The following GALNT10 variants were observed in gnomAD, a reference collection of about 807,000 sequenced individuals.
The protein encoded by GALNT10 is GalNAc transferase 10.
A neutral mutation model predicts 75.0 loss-of-function variants in GALNT10; 41 were observed. The ratio of observed to expected loss-of-function variants is 0.55; its 90% confidence interval spans 0.43 to 0.71. The LOEUF (loss-of-function observed/expected upper bound fraction) is 0.71, where lower values mean the gene tolerates loss of function less well. Among genes scored for constraint, GALNT10 ranks in the 30% least tolerant of loss-of-function variants. The pLI is 0.00. For synonymous variants in GALNT10, 302 were observed against 313.0 expected (o/e 0.96, Z 0.37); for missense variants, 727 against 818.5 (o/e 0.89, Z 1.36).
intron 1 of GALNT10, among the ~76,000 whole-genome samples, chr5:154,228,577 G>C (rs1263731699): frequency 6.6e-6 from 1 of 152,218 alleles, no homozygotes; most frequent in Non-Finnish European, 1.5e-5. Context: ...CCAAAAACCT[G>C]TACGAGAGCT....
At chr5:154,293,613 A>ATT (rs1201863629) in intron 1 of GALNT10, among the ~76,000 whole-genome samples, 17 of 109,406 alleles carry the variant, frequency 1.6e-4, no homozygotes, top group African/African-American at 4.7e-4. Context: ...ATATATATAT[A>ATT]TTTTTTTTTT....
chr5:154,211,980 T>A (rs959177721), intron 1 of GALNT10, among the ~76,000 whole-genome samples: 5 of 152,102 alleles, frequency 3.3e-5, no homozygotes, highest in African/African-American at 4.8e-5. Flanking sequence ...TCAGCCTATG[T>A]GCAAAAAAGA....
At chr5:154,281,778 A>G (rs1406396847) in intron 1 of GALNT10, among the ~76,000 whole-genome samples, 2 of 152,216 alleles carry the variant, frequency 1.3e-5, no homozygotes, top group Non-Finnish European at 2.9e-5. Context: ...GTCCAGGACT[A>G]GTATCATAGT....
intron 3 of GALNT10, among the ~76,000 whole-genome samples, chr5:154,319,043 C>CA (rs1306988596): frequency 6.6e-6 from 1 of 152,230 alleles, no homozygotes; most frequent in Non-Finnish European, 1.5e-5. Context: ...AGGGCCTCAA[C>CA]ATTGAGGTTG....
At chr5:154,337,343 T>G (rs1223794532) in intron 4 of GALNT10, 1 of 486,860 alleles carries the variant, frequency 2.1e-6, no homozygotes, top group Non-Finnish European at 3.8e-6. Context: ...ACATGTCTTC[T>G]TTGTAGCAGC....
Position 154,292,799 on chromosome 5 carries a change from C to T in GALNT10, c.160-2017C>T, listed in dbSNP as rs1412625125. On this transcript the variant is annotated intron_variant, in intron 1 of 11. Transcript: ENST00000297107. ...ATGTGTTGTTGCTCTGATTGAAGAGCAGGCAGAGCAAGCCCCTACTCTCTG... is the reference window on the plus strand; with the variant it reads ...ATGTGTTGTTGCTCTGATTGAAGAGTAGGCAGAGCAAGCCCCTACTCTCTG... 2.6e-5 allele frequency among the ~76,000 whole-genome samples: 4 copies of T among 152,186 alleles called. No homozygotes were observed. In the East Asian group the frequency reaches 7.7e-4, roughly 29 times the overall value.
intron 1 of GALNT10, among the ~76,000 whole-genome samples, chr5:154,275,662 A>T (rs2046125549): frequency 6.6e-6 from 1 of 152,224 alleles, no homozygotes; most frequent in Non-Finnish European, 1.5e-5. Flanking sequence ...AAGATGGCTC[A>T]TTCGCATGAC....
intron 1 of GALNT10, among the ~76,000 whole-genome samples, chr5:154,212,695 A>G (rs1315750185): frequency 1.3e-5 from 2 of 151,586 alleles, no homozygotes; most frequent in African/African-American, 4.8e-5. Flanking sequence ...CAGGCCGGGC[A>G]TGGTGGCTCA....
intron 1 of GALNT10, among the ~76,000 whole-genome samples, chr5:154,258,907 T>A (rs949288467): frequency 3.3e-5 from 5 of 152,016 alleles, no homozygotes; most frequent in African/African-American, 4.8e-5. Context: ...AGAAACTTTT[T>A]TAAAAAAAAA....
intron 3 of GALNT10, among the ~76,000 whole-genome samples, chr5:154,306,681 A>G (rs554378541): frequency 2.1e-4 from 32 of 152,266 alleles, no homozygotes; most frequent in African/African-American, 7.7e-4. Flanking sequence ...AGGGCAAAGC[A>G]GGGATCAATG....
chr5:154,330,321 C>A (rs1754835811), intron 4 of GALNT10, among the ~76,000 whole-genome samples: 1 of 152,186 alleles, frequency 6.6e-6, no homozygotes, highest in South Asian at 2.1e-4. Context: ...GCAAGGAAGG[C>A]AGGGAATGTG....
chr5:154,411,335 C>A (rs1756392985), intron 9 of GALNT10, among the ~76,000 whole-genome samples: 1 of 152,168 alleles, frequency 6.6e-6, no homozygotes, highest in Admixed American at 6.5e-5. Flanking sequence ...TCAGGCTGAC[C>A]AACCCCTACT....
intron 1 of GALNT10, among the ~76,000 whole-genome samples, chr5:154,202,983 G>T (rs1338132849): frequency 1.3e-5 from 2 of 152,264 alleles, no homozygotes; most frequent in African/African-American, 4.8e-5. Flanking sequence ...AGCCCTGCCA[G>T]GGAACAATGG....
chr5:154,347,335 A>C, intron 4 of GALNT10: 1 of 421,316 alleles, frequency 2.4e-6, no homozygotes, highest in Middle Eastern at 3.6e-4. Flanking sequence ...ACTTCCTGTT[A>C]CCTCCTATGT....
chr5:154,324,933 G>C (rs1293628845), intron 3 of GALNT10, among the ~76,000 whole-genome samples: 1 of 151,744 alleles, frequency 6.6e-6, no homozygotes, highest in Non-Finnish European at 1.5e-5. Flanking sequence ...AAAAATGCAA[G>C]GATCAACCAT....
intron 1 of GALNT10, among the ~76,000 whole-genome samples, chr5:154,265,554 T>C (rs150514702): frequency 1.3e-5 from 2 of 152,362 alleles, no homozygotes; most frequent in African/African-American, 4.8e-5. Context: ...TGTGCATCTT[T>C]AATGGCTCCA....
At chr5:154,295,998 T>G (rs1754266325) in intron 2 of GALNT10, among the ~76,000 whole-genome samples, 1 of 152,206 alleles carries the variant, frequency 6.6e-6, no homozygotes, top group Non-Finnish European at 1.5e-5. Context: ...ATAGAGCTGG[T>G]GCAATAACTT....
chr5:154,236,843 G>A (rs1416754622), intron 1 of GALNT10, among the ~76,000 whole-genome samples: 2 of 152,202 alleles, frequency 1.3e-5, no homozygotes, highest in Non-Finnish European at 2.9e-5. Flanking sequence ...CTGCACAGGG[G>A]AAGTGTGGCC....
rs1359257372 is a variant in GALNT10 at position 154,402,956 on chromosome 5, CA to C, written c.1057-1145del. The stretch of plus-strand genomic sequence containing the variant: ...ACTGGGAGGCATCTACACAGGGGCA[CA>C]AATACGAGGAGGCAGGGATTGTGAG... On this transcript the variant is annotated intron_variant, in intron 7 of 11. Coordinates refer to ENST00000297107, the MANE Select transcript of GALNT10 (RefSeq NM_198321.4). The surrounding 1 kb of genome is among the most constrained non-coding windows in gnomAD (Gnocchi z 4.2). The C allele has an allele frequency of 6.6e-6, 1 of 152,388 alleles. No individual in the cohort carries two copies. Among genetic ancestry groups the C allele is most frequent in the Non-Finnish European group, 1.5e-5 (1 of 68,160 alleles). 9.4% of individuals were successfully genotyped at this position (152,388 alleles called of 1,614,324 possible).
Sources: gnomAD v4.1 joint callset for allele counts (sites outside exome capture counted in the v4.1 genomes callset) on GRCh38, gnomAD v4.1.1 for gene constraint, Gnocchi (gnomAD v3.1) non-coding constraint, MANE v1.5 for transcripts, NCBI Gene and HGNC (gene_info 2026-07-23, HGNC 2026-07-21) for gene names.